Variants in FAF1 observed in about 807,000 individuals in gnomAD.
FAF1 encodes the protein Fas associated factor 1, also known as FAS-associated factor 1.
In FAF1, 25 loss-of-function variants were observed where a neutral mutation model predicts 92.5. The observed-to-expected ratio is 0.27, with a 90% CI of 0.20 to 0.38. The LOEUF (loss-of-function observed/expected upper bound fraction) is 0.38. Among genes scored for constraint, FAF1 ranks in the 10% least tolerant of loss-of-function variants. The pLI is 1.00. For missense variants in FAF1, 636 were observed against 793.3 expected (o/e 0.80, Z 2.38); for synonymous variants, 234 against 273.2 (o/e 0.86, Z 1.42).
chr1:50,666,909 AC>A (rs1227262268), intron 7 of FAF1, among the ~76,000 whole-genome samples: 3 of 152,128 alleles, frequency 2.0e-5, no homozygotes, highest in African/African-American at 7.2e-5. Flanking sequence ...AACAACAAAA[AC>A]TAGTAACATG....
At chr1:50,922,929 A>C (rs1007031771) in intron 1 of FAF1, among the ~76,000 whole-genome samples, 1 of 152,084 alleles carries the variant, frequency 6.6e-6, no homozygotes, top group Non-Finnish European at 1.5e-5. Flanking sequence ...CAGAAATGAA[A>C]ATGAAGTCAT....
chr1:50,857,311 CT>C (rs35934575), intron 2 of FAF1, among the ~76,000 whole-genome samples: 11 of 148,996 alleles, frequency 7.4e-5, no homozygotes, highest in South Asian at 2.1e-4. Context: ...ATAATTTAAA[CT>C]TTTTTTTTTA....
chr1:50,729,765 G>A lies in FAF1; in HGVS notation c.551+9098C>T, dbSNP rs112028508. ...AGGCCAGGTGTGGTGGCTCACACCT[G>A]TAATCCCAGCACTTTGGGAGGCTGA... On this transcript the variant is annotated intron_variant, in intron 6 of 18. Transcript: ENST00000396153. 3.0e-3 allele frequency among the ~76,000 whole-genome samples: 454 copies of A among 149,748 alleles called. 4 individuals carry two copies. Among genetic ancestry groups the A allele is most frequent in the African/African-American group, 0.01 (428 of 40,990 alleles).
intron 6 of FAF1, among the ~76,000 whole-genome samples, chr1:50,713,983 G>A (rs1557489354): frequency 6.6e-6 from 1 of 150,642 alleles, no homozygotes; most frequent in Non-Finnish European, 1.5e-5. Context: ...ATCTTGGCCA[G>A]GCTGGTCTGG....
intron 8 of FAF1, among the ~76,000 whole-genome samples, chr1:50,610,249 C>T (rs1329116377): frequency 6.6e-6 from 1 of 152,134 alleles, no homozygotes; most frequent in Non-Finnish European, 1.5e-5. Context: ...GTTCAATACA[C>T]TGAATACCTC....
intron 8 of FAF1, among the ~76,000 whole-genome samples, chr1:50,631,424 A>C (rs1653784271): frequency 6.6e-6 from 1 of 152,132 alleles, no homozygotes; most frequent in Non-Finnish European, 1.5e-5. Flanking sequence ...CATTTAGTAG[A>C]CCTTATCAGA....
chr1:50,746,432 T>G (rs1659627998), intron 4 of FAF1, among the ~76,000 whole-genome samples: 1 of 147,900 alleles, frequency 6.8e-6, no homozygotes, highest in Non-Finnish European at 1.5e-5. Context: ...GCCTCCCAAG[T>G]AGCTGGGATT....
At position 50,946,138 on chromosome 1, in the gene FAF1, C is replaced by A. The variant is rs1450797409; in HGVS notation, c.45+13629G>T. Among the ~76,000 whole-genome samples, 3 of 152,242 alleles carry A rather than the reference C, an allele frequency of 2.0e-5. No individual in the cohort carries two copies. In the East Asian group the frequency reaches 5.8e-4, roughly 29 times the overall value. ...GGCAAAGCAAAATTCTAACAACTTTCTTTTCTGCCCACGTTAAGTTACAAA... is the reference window on the plus strand; with the variant it reads ...GGCAAAGCAAAATTCTAACAACTTTATTTTCTGCCCACGTTAAGTTACAAA... On this transcript the variant is annotated intron_variant, in intron 1 of 18. Transcript: ENST00000396153.
intron 4 of FAF1, 24 bp downstream of exon 4, chr1:50,787,976 G>T (rs780553944): frequency 6.3e-7 from 1 of 1,575,708 alleles, no homozygotes; most frequent in South Asian, 1.1e-5. Flanking sequence ...ATTTGTGAAG[G>T]CTTTATGGCA....
chr1:50,745,816 C>A (rs990668237), intron 4 of FAF1, among the ~76,000 whole-genome samples: 1 of 152,010 alleles, frequency 6.6e-6, no homozygotes, highest in Non-Finnish European at 1.5e-5. Flanking sequence ...AAAAGTGGGG[C>A]ATTGCTATAA....
chr1:50,676,313 A>C (rs1293421710), intron 7 of FAF1, among the ~76,000 whole-genome samples: 2 of 152,056 alleles, frequency 1.3e-5, no homozygotes, highest in Non-Finnish European at 2.9e-5. Context: ...AGGCTGAGGC[A>C]GGAGAATTGC....
At chr1:50,669,276 ACT>A (rs1557465664) in intron 7 of FAF1, among the ~76,000 whole-genome samples, 1 of 152,124 alleles carries the variant, frequency 6.6e-6, no homozygotes, top group Non-Finnish European at 1.5e-5. Context: ...TACATCTCTA[ACT>A]ATGGAGGCTT....
intron 6 of FAF1, 128 bp downstream of exon 6, chr1:50,738,735 T>G (rs1659240039): frequency 1.4e-5 from 9 of 631,476 alleles, no homozygotes. Context: ...ATATACTTCA[T>G]AGTAGTTGGT....
intron 6 of FAF1, among the ~76,000 whole-genome samples, chr1:50,736,865 A>G (rs1659161724): frequency 6.6e-6 from 1 of 151,926 alleles, no homozygotes; most frequent in Non-Finnish European, 1.5e-5. Context: ...AAGGTTCTGC[A>G]TGGATTTTGT....
chr1:50,627,752 T>C (rs1653573899), intron 8 of FAF1, among the ~76,000 whole-genome samples: 1 of 152,182 alleles, frequency 6.6e-6, no homozygotes, highest in Admixed American at 6.5e-5. Context: ...GGATGCTGGC[T>C]ACATGGCAGT....
chr1:50,633,636 T>C (rs1653885184), intron 8 of FAF1, among the ~76,000 whole-genome samples: 1 of 152,194 alleles, frequency 6.6e-6, no homozygotes, highest in Admixed American at 6.5e-5. Context: ...GGAATAAGTA[T>C]CTGTGGGTCT....
chr1:50,491,756 C>T lies in FAF1; in HGVS notation c.1540G>A (p.Ala514Thr). 1 of 1,613,034 alleles carries T rather than the reference C, an allele frequency of 6.2e-7. No individual in the cohort carries two copies. Among genetic ancestry groups the T allele is most frequent in the Non-Finnish European group, 8.5e-7 (1 of 1,179,618 alleles). The change falls in exon 16 of 19, where the codon GCC (alanine) becomes ACC (threonine). Residue 514 changes from alanine (A) to threonine (T), a missense_variant. Transcript: ENST00000396153. ...RENVKREQDE[A>T]YRLSLEADRA... Reference sequence around the variant, plus strand: ...TCAGCCTCAAGTGAAAGGCGATAGGCCTCATCTTGCTCTCTCTTCACATTT... The same window carrying T: ...TCAGCCTCAAGTGAAAGGCGATAGGTCTCATCTTGCTCTCTCTTCACATTT...
chr1:50,816,205 C>T (rs1185998643), intron 2 of FAF1, among the ~76,000 whole-genome samples: 258 of 106,170 alleles, frequency 2.4e-3, no homozygotes, highest in African/African-American at 3.6e-3. Flanking sequence ...TTTCCTTTTT[C>T]TTTTTTTTTT....
rs1021119717 is a variant in FAF1, at chr1:50,516,328, G to A, written c.1494+19041C>T. Among the ~76,000 whole-genome samples the A allele has an allele frequency of 5.9e-5, 9 of 151,988 alleles. No homozygotes were observed. In the East Asian group the frequency reaches 1.7e-3, roughly 29 times the overall value. On this transcript the variant is annotated intron_variant, in intron 15 of 18. Coordinates refer to ENST00000396153, the MANE Select transcript of FAF1 (RefSeq NM_007051.3). ...GAACTTCCTTCCATTCCACTTGTTC[G>A]TGGACTATATCCCTCCGTTTTGAAC... is the stretch of plus-strand genomic sequence containing the variant.
Sources: gnomAD v4.1 joint callset for allele counts (sites outside exome capture counted in the v4.1 genomes callset) on GRCh38, gnomAD v4.1.1 for gene constraint, MANE v1.5 for transcripts, NCBI Gene and HGNC (gene_info 2026-07-23, HGNC 2026-07-21) for gene names.